The following ANP32E variants were observed in gnomAD, a reference collection of about 807,000 sequenced individuals.
The protein encoded by ANP32E is acidic leucine-rich nuclear phosphoprotein 32 family member E.
A neutral mutation model predicts 35.3 loss-of-function variants in ANP32E; 14 were observed. The ratio of observed to expected loss-of-function variants is 0.40; its 90% CI spans 0.26 to 0.62. The LOEUF (loss-of-function observed/expected upper bound fraction) is 0.62, where lower values mean the gene tolerates loss of function less well. Ranked by LOEUF, ANP32E falls within the 20% of genes least tolerant of loss-of-function variation. The pLI is 0.45. For synonymous variants in ANP32E, 89 were observed against 110.4 expected, an observed-to-expected ratio of 0.81 and a Z score of 1.22; for missense variants, 198 against 304.4, an observed-to-expected ratio of 0.65 and a Z score of 2.60.
chr1:150,233,760 A>G (rs587730919), intron 1 of ANP32E, among the ~76,000 whole-genome samples: 1 of 152,302 alleles, frequency 6.6e-6, no homozygotes, highest in South Asian at 2.1e-4. Context: ...TGACATAATT[A>G]TTTCTGTGGC....
At chr1:150,225,665 T>TA (rs1553839622) in intron 5 of ANP32E, among the ~76,000 whole-genome samples, 1 of 83,536 alleles carries the variant, frequency 1.2e-5, no homozygotes, top group Admixed American at 1.6e-4. Context: ...AGTGAGACTG[T>TA]AACAAAAAAA....
At position 150,218,445 on chromosome 1, in the gene ANP32E, T is replaced by C. The variant is rs1335653282; in HGVS notation, c.*2246A>G. 2.0e-5 allele frequency: 3 copies of C among 152,488 alleles called. No individual in the cohort carries two copies. The highest frequency in any genetic ancestry group is 4.4e-5 in the Non-Finnish European group (3 of 68,042). The allele number at this position is 152,488 out of a possible 1,614,324, so 9.4% of individuals were successfully genotyped here. A position where few individuals can be genotyped will look rare whatever the true frequency, so the allele number is the denominator to read the frequency against. On this transcript the variant is annotated 3_prime_UTR_variant, in exon 7 of 7. Transcript: ENST00000583931. ...TCATTATAACAAATCTTCAATTTAT[T>C]TGAAGCAATTCAGTTTCAAAAACTT...
intron 6 of ANP32E, among the ~76,000 whole-genome samples, chr1:150,222,358 G>T (rs999606417): frequency 1.3e-5 from 2 of 151,444 alleles, no homozygotes; most frequent in Non-Finnish European, 2.9e-5. Context: ...GGCAGAGCTT[G>T]CAGTGAACTG....
chr1:150,220,371 A>T lies in ANP32E; in HGVS notation c.*320T>A, dbSNP rs1254326790. On this transcript the variant is annotated 3_prime_UTR_variant, in exon 7 of 7. Coordinates refer to ENST00000583931, the MANE Select transcript of ANP32E (RefSeq NM_030920.5). The stretch of plus-strand genomic sequence containing the variant: ...TAAGGAATGAAATGCACCATACTAC[A>T]CCTGTGTAAAAGTGATCATGTTTTA... The T allele has an allele frequency of 4.3e-5, 10 of 233,234 alleles. No homozygotes were observed. The East Asian group carries it at 1.1e-3, about 25-fold the overall frequency. The allele number at this position is 233,234 out of a possible 1,614,324, so 14.4% of individuals were successfully genotyped here. A position where few individuals can be genotyped will look rare whatever the true frequency, so the allele number is the denominator to read the frequency against.
chr1:150,236,090 C>T lies in ANP32E; in HGVS notation c.-304G>A, dbSNP rs1649763201. On this transcript the variant is annotated 5_prime_UTR_variant, in exon 1 of 7. Coordinates refer to ENST00000583931, the MANE Select transcript of ANP32E (RefSeq NM_030920.5). ...CACACACACACCCGCAGTTCCTTCC[C>T]CTTCAATGGCTGCTCAGAGACTGAG... is the stretch of plus-strand genomic sequence containing the variant. 3.2e-6 allele frequency: 1 copy of T among 312,634 alleles called. No homozygotes were observed. 19.4% of individuals were successfully genotyped at this position (312,634 alleles called of 1,614,324 possible).
intron 5 of ANP32E, among the ~76,000 whole-genome samples, chr1:150,226,010 T>TG (rs1322212719): frequency 6.7e-6 from 1 of 150,370 alleles, no homozygotes; most frequent in Non-Finnish European, 1.5e-5. Context: ...ATAACCTGTT[T>TG]TTTTTTTTTT....
At chr1:150,223,419 G>T in intron 5 of ANP32E, 179 bp from the exon 6 acceptor site, 1 of 713,556 alleles carries the variant, frequency 1.4e-6, no homozygotes, top group Non-Finnish European at 2.2e-6. Flanking sequence ...GGTGGCTCAC[G>T]CCTGTAATCC....
intron 3 of ANP32E, among the ~76,000 whole-genome samples, chr1:150,229,908 G>A (rs1161500005): frequency 2.6e-5 from 4 of 152,130 alleles, no homozygotes; most frequent in African/African-American, 4.8e-5. Flanking sequence ...CACCGTGCCC[G>A]ACCACATCAT....
In ANP32E at chr1:150,235,956, T is replaced by G. The variant is rs587723102; in HGVS notation, c.-170A>C. 3.6e-5 allele frequency: 22 copies of G among 608,264 alleles called. No homozygotes were observed. The highest frequency in any genetic ancestry group is 3.3e-4 in the African/African-American group (18 of 53,902). The allele number at this position is 608,264 out of a possible 1,614,324, so 37.7% of individuals were successfully genotyped here. On this transcript the variant is annotated 5_prime_UTR_variant, in exon 1 of 7. Transcript: ENST00000583931. The surrounding 1 kb of genome is among the most constrained non-coding windows in gnomAD (Gnocchi z 4.2). ...GGGGGAGAAAGAAGAGAATAGCAAATGGAGTCCAAGAGTTGGGACTCTAAC... is the reference window on the plus strand; with the variant it reads ...GGGGGAGAAAGAAGAGAATAGCAAAGGGAGTCCAAGAGTTGGGACTCTAAC...
rs1323487970 is a variant in ANP32E, at chr1:150,229,328, C to G, written c.328-91G>C. The G allele has an allele frequency of 6.9e-6, 5 of 721,704 alleles. No homozygotes were observed. The East Asian group carries it at 1.6e-4, about 23-fold the overall frequency. 44.7% of individuals were successfully genotyped at this position (721,704 alleles called of 1,614,324 possible). On this transcript the variant is annotated intron_variant, in intron 3 of 6. Transcript: ENST00000583931. The stretch of plus-strand genomic sequence containing the variant: ...TTTTTTTTTTTTTTTGAGACGGAGT[C>G]TAGCTCTGTTGCCAGCTGGAATTCA...
chr1:150,226,086 A>G (rs891605424), intron 5 of ANP32E, among the ~76,000 whole-genome samples: 2 of 150,746 alleles, frequency 1.3e-5, no homozygotes, highest in Non-Finnish European at 2.9e-5. Flanking sequence ...GCTCACTGCA[A>G]TCTCCGCCTC....
intron 3 of ANP32E, 50 bp from the exon 4 acceptor site, chr1:150,229,287 A>ATTTCTTT (rs1382801107): frequency 6.7e-6 from 4 of 595,366 alleles, no homozygotes; most frequent in Admixed American, 4.8e-5. Flanking sequence ...ATACCATGTT[A>ATTTCTTT]TTTCTTTTTT....
At position 150,223,235 on chromosome 1, in the gene ANP32E, T is replaced by C; in HGVS notation, c.687A>G (p.Glu229=). The change falls in exon 6 of 7, where the codon GAA becomes GAG. Residue 229 remains glutamate (E), a synonymous_variant. Coordinates refer to ENST00000583931, the MANE Select transcript of ANP32E (RefSeq NM_030920.5). ...CTTCAACATAGTCATCATCATCTTC[T>C]TCATCCTTGAAATTCAAATATTCAG... ...SYLMKEEIQD[E]EDDDDYVEEG... The C allele has an allele frequency of 6.5e-7, 1 of 1,528,994 alleles. No homozygotes were observed. Among genetic ancestry groups the C allele is most frequent in the Admixed American group, 2.0e-5 (1 of 51,016 alleles). 94.7% of individuals were successfully genotyped at this position (1,528,994 alleles called of 1,614,324 possible). A position where few individuals can be genotyped will look rare whatever the true frequency, so the allele number is the denominator to read the frequency against.
Position 150,220,498 on chromosome 1 carries a change from C to G in ANP32E, c.*193G>C. ...ACAATGGGAGTCAATGAAAATTTTT[C>G]TCTACATACAATATGATCATTAACA... is the stretch of plus-strand genomic sequence containing the variant. On this transcript the variant is annotated 3_prime_UTR_variant, in exon 7 of 7. Coordinates refer to ENST00000583931, the MANE Select transcript of ANP32E (RefSeq NM_030920.5). 1.9e-6 allele frequency: 1 copy of G among 519,956 alleles called. No individual in the cohort carries two copies. Among genetic ancestry groups the G allele is most frequent in the South Asian group, 2.6e-5 (1 of 38,304 alleles). 32.2% of individuals were successfully genotyped at this position (519,956 alleles called of 1,614,324 possible).
Position 150,226,588 on chromosome 1 carries a change from G to A in ANP32E, c.681+20C>T. On this transcript the variant is annotated intron_variant, in intron 5 of 6. Coordinates refer to ENST00000583931, the MANE Select transcript of ANP32E (RefSeq NM_030920.5). ...TGCCTAGAAATTAATTTTCAGTGCA[G>A]GTAAGAAGTGTGTATTCACCTGAAT... is the stretch of plus-strand genomic sequence containing the variant. The A allele has an allele frequency of 2.5e-6, 4 of 1,611,430 alleles. No individual in the cohort carries two copies. The African/African-American group carries it at 4.0e-5, about 16-fold the overall frequency.
rs1553840111 is a variant in ANP32E at position 150,226,657 on chromosome 1, T to C, written c.632A>G (p.Glu211Gly). The C allele has an allele frequency of 6.2e-7, 1 of 1,612,832 alleles. No homozygotes were observed. The highest frequency in any genetic ancestry group is 8.5e-7 in the Non-Finnish European group (1 of 1,179,012). Reference sequence around the variant, plus strand: ...TGAGAGGCCCACTTCCTCTTCTCCCTCTCCCAACTCTGAACCTGCTTCATC... The same window carrying C: ...TGAGAGGCCCACTTCCTCTTCTCCCCCTCCCAACTCTGAACCTGCTTCATC... ...DEDEAGSELGEGEEEVGLSYL... is the reference protein window; with the variant it reads ...DEDEAGSELGGGEEEVGLSYL... The change falls in exon 5 of 7, where the codon GAG (glutamate) becomes GGG (glycine). Residue 211 changes from glutamate (E) to glycine (G), a missense_variant. Glu to Gly is a moderately conservative substitution (Grantham distance 98). This residue lies in a region of ANP32E where 121 missense variants were observed against 137.3 expected (regional missense o/e 0.88). Transcript: ENST00000583931.
Position 150,226,675 on chromosome 1 carries a change from GCTTCAT to G in ANP32E, c.608_613del (p.Asp203_Glu204del), listed in dbSNP as rs781986830. The G allele has an allele frequency of 7.1e-4, 1,144 of 1,605,090 alleles. 10 individuals carry two copies. Among genetic ancestry groups the G allele is most frequent in the Middle Eastern group, 6.6e-4 (4 of 6,054 alleles). On this transcript the variant is annotated inframe_deletion, in exon 5 of 7. Coordinates refer to ENST00000583931, the MANE Select transcript of ANP32E (RefSeq NM_030920.5). Reference sequence around the variant, plus strand: ...TTCTCCCTCTCCCAACTCTGAACCTGCTTCATCTTCATCTTCATCCTCATCCTCATC... The same window carrying G: ...TTCTCCCTCTCCCAACTCTGAACCTGCTTCATCTTCATCCTCATCCTCATC...
At chr1:150,231,967 T>C in intron 1 of ANP32E, 41 bp from the exon 2 acceptor site, 1 of 1,591,344 alleles carries the variant, frequency 6.3e-7, no homozygotes, top group Non-Finnish European at 8.6e-7. Context: ...CTTTAGTTTG[T>C]AATCTGTTTA....
At chr1:150,229,391 G>A (rs1481423789) in intron 3 of ANP32E, among the ~76,000 whole-genome samples, 154 bp from the exon 4 acceptor site, 3 of 132,942 alleles carry the variant, frequency 2.3e-5, no homozygotes, top group East Asian at 2.5e-4. Context: ...TCCGCCTCCC[G>A]GGTTCAAGCG....
Sources: allele counts gnomAD v4.1 joint callset (sites outside exome capture counted in the v4.1 genomes callset), GRCh38; gene constraint gnomAD v4.1.1; regional missense constraint gnomAD v4.1.1; non-coding constraint Gnocchi (gnomAD v3.1); transcripts MANE v1.5; gene names NCBI Gene and HGNC (gene_info 2026-07-23, HGNC 2026-07-21).